TMEM233: variants seen among roughly 807,000 people sequenced by gnomAD.
TMEM233 encodes the protein transmembrane protein 233.
In TMEM233, 6 loss-of-function variants were observed where a neutral mutation model predicts 11.2. The observed-to-expected ratio is 0.54, with a 90% CI of 0.29 to 1.06. The LOEUF (loss-of-function observed/expected upper bound fraction) is 1.06. TMEM233 is among the 50% of genes least tolerant of loss of function. The pLI is 0.08. For missense variants in TMEM233, 127 were observed against 144.7 expected, an observed-to-expected ratio of 0.88 and a Z score of 0.63; for synonymous variants, 59 against 55.8, an observed-to-expected ratio of 1.06 and a Z score of -0.26.
intron 1 of TMEM233, among the ~76,000 whole-genome samples, chr12:119,615,949 G>A (rs910268714): frequency 2.0e-5 from 3 of 152,162 alleles, no homozygotes; most frequent in East Asian, 3.9e-4. Context: ...CCTTTTTGAG[G>A]TTCAGCATAG....
intron 1 of TMEM233, among the ~76,000 whole-genome samples, chr12:119,621,084 A>G (rs1048978288): frequency 7.2e-6 from 1 of 138,572 alleles, no homozygotes; most frequent in African/African-American, 2.8e-5. Flanking sequence ...GTCTTTCTCT[A>G]TCACTCAGGC....
intron 1 of TMEM233, among the ~76,000 whole-genome samples, chr12:119,627,958 C>G (rs1193303366): frequency 1.3e-5 from 2 of 151,144 alleles, no homozygotes; most frequent in African/African-American, 2.4e-5. Flanking sequence ...TACCCCTTAT[C>G]TAAAAATTTC....
At chr12:119,630,637 G>T (rs566458629) in intron 2 of TMEM233, among the ~76,000 whole-genome samples, 1 of 152,230 alleles carries the variant, frequency 6.6e-6, no homozygotes, top group Non-Finnish European at 1.5e-5. Flanking sequence ...AACATGAGGT[G>T]TCCTCAGGCA....
intron 1 of TMEM233, among the ~76,000 whole-genome samples, chr12:119,612,463 A>C (rs1395329166): frequency 6.6e-6 from 1 of 152,152 alleles, no homozygotes; most frequent in African/African-American, 2.4e-5. Context: ...AAATACAAAA[A>C]ATTGGCTGGG....
intron 1 of TMEM233, among the ~76,000 whole-genome samples, chr12:119,618,784 C>T (rs1423571567): frequency 3.3e-5 from 5 of 151,998 alleles, no homozygotes; most frequent in South Asian, 2.1e-4. Flanking sequence ...AGGTCATAGG[C>T]GGAAGGGATT....
intron 2 of TMEM233, among the ~76,000 whole-genome samples, chr12:119,639,216 C>T (rs896707527): frequency 6.6e-6 from 1 of 152,124 alleles, no homozygotes; most frequent in African/African-American, 2.4e-5. Flanking sequence ...CCTTACTACT[C>T]CCTGACAAAT....
intron 1 of TMEM233, among the ~76,000 whole-genome samples, chr12:119,600,728 C>T (rs538385849): frequency 6.6e-6 from 1 of 152,154 alleles, no homozygotes; most frequent in East Asian, 1.9e-4. Flanking sequence ...TATGAAATAC[C>T]TAGAGTGGTC....
In TMEM233 at chr12:119,642,254, C is replaced by T. The variant is rs1451814501; in HGVS notation, c.*1549C>T. On this transcript the variant is annotated 3_prime_UTR_variant, in exon 3 of 3. Coordinates refer to ENST00000426426, the MANE Select transcript of TMEM233 (RefSeq NM_001136534.3). ...TTAAGGTCAGGAGTTTGAGACCAGCCTGACCAACATGGTGAAACTCCATCT... is the reference window on the plus strand; with the variant it reads ...TTAAGGTCAGGAGTTTGAGACCAGCTTGACCAACATGGTGAAACTCCATCT... 1 of 152,214 alleles carries T rather than the reference C, an allele frequency of 6.6e-6. No individual in the cohort carries two copies. Among genetic ancestry groups the T allele is most frequent in the Admixed American group, 6.5e-5 (1 of 15,292 alleles). 9.4% of individuals were successfully genotyped at this position (152,214 alleles called of 1,614,324 possible). A position where few individuals can be genotyped will look rare whatever the true frequency, so the allele number is the denominator to read the frequency against.
downstream of TMEM233, among the ~76,000 whole-genome samples, chr12:119,645,218 A>T (rs1193610226): frequency 6.7e-6 from 1 of 150,110 alleles, no homozygotes; most frequent in Non-Finnish European, 1.5e-5. Flanking sequence ...GGCCTACAGC[A>T]GGACAGCTGC....
rs2301655 is a variant in TMEM233 at position 119,640,772 on chromosome 12, T to C, written c.*67T>C. 1,279,199 of 1,540,908 alleles carry C rather than the reference T, an allele frequency of 0.83. 534,234 individuals carry two copies. Among genetic ancestry groups the C allele is most frequent in the Middle Eastern group, 0.89 (5,288 of 5,972 alleles). On this transcript the variant is annotated 3_prime_UTR_variant, in exon 3 of 3. Coordinates refer to ENST00000426426, the MANE Select transcript of TMEM233 (RefSeq NM_001136534.3). ...TCATCCACACACACCCCAAAGGAGTTTCTAAGGAATGGATCCTTGACTTCA... is the reference window on the plus strand; with the variant it reads ...TCATCCACACACACCCCAAAGGAGTCTCTAAGGAATGGATCCTTGACTTCA...
the TMEM233 span, among the ~76,000 whole-genome samples, chr12:119,651,614 C>A: frequency 1.3e-5 from 2 of 149,960 alleles, no homozygotes; most frequent in East Asian, 3.9e-4. Flanking sequence ...GTTAGGCGGT[C>A]AAGACCATCC....
In TMEM233 at chr12:119,594,935, TG is replaced by T. The variant is rs1466210265; in HGVS notation, c.186+902del. ...GCTCCCAGGCGCCCCTCCACCGCTCTGTCCTGCGCCCGGGGCTCTCCCGGGA... is the reference window on the plus strand; with the variant it reads ...GCTCCCAGGCGCCCCTCCACCGCTCTTCCTGCGCCCGGGGCTCTCCCGGGA... On this transcript the variant is annotated intron_variant, in intron 1 of 2. Coordinates refer to ENST00000426426, the MANE Select transcript of TMEM233 (RefSeq NM_001136534.3). The surrounding 1 kb of genome is among the most constrained non-coding windows in gnomAD (Gnocchi z 5.6). Among the ~76,000 whole-genome samples the T allele has an allele frequency of 1.3e-5, 2 of 152,080 alleles. No homozygotes were observed. Among genetic ancestry groups the T allele is most frequent in the Non-Finnish European group, 2.9e-5 (2 of 68,008 alleles).
At chr12:119,613,230 A>G (rs945302156) in intron 1 of TMEM233, among the ~76,000 whole-genome samples, 17 of 140,756 alleles carry the variant, frequency 1.2e-4, no homozygotes, top group Non-Finnish European at 2.3e-4. Flanking sequence ...AAAAAAAAAA[A>G]GGGCTACAGG....
intron 1 of TMEM233, among the ~76,000 whole-genome samples, chr12:119,597,166 G>T (rs1359877366): frequency 6.6e-6 from 1 of 152,210 alleles, no homozygotes; most frequent in Non-Finnish European, 1.5e-5. Flanking sequence ...GACCAATTCT[G>T]CCAGGCGTTT....
intron 1 of TMEM233, among the ~76,000 whole-genome samples, chr12:119,626,521 A>G (rs114038004): frequency 0.034 from 1,949 of 57,916 alleles, 205 homozygotes; most frequent in African/African-American, 0.14. Context: ...GGAGGAGGAG[A>G]AGGGAGAAGG....
At chr12:119,596,057 C>T (rs1460537080) in intron 1 of TMEM233, among the ~76,000 whole-genome samples, 3 of 152,154 alleles carry the variant, frequency 2.0e-5, no homozygotes, top group African/African-American at 4.8e-5. Context: ...CCTGGAGGCC[C>T]GGAAGCCGTC....
intron 2 of TMEM233, chr12:119,631,459 A>C: frequency 3.1e-6 from 3 of 981,042 alleles, no homozygotes; most frequent in Non-Finnish European, 3.6e-6. Flanking sequence ...CAGAAGTGTC[A>C]CAAAAGAAAA....
At chr12:119,644,257 G>A (rs767336395), downstream of TMEM233, among the ~76,000 whole-genome samples, 1 of 152,154 alleles carries the variant, frequency 6.6e-6, no homozygotes, top group Non-Finnish European at 1.5e-5. Flanking sequence ...GGAACTGAAT[G>A]TGAGGTCAGC....
At chr12:119,599,569 G>A (rs1368352967) in intron 1 of TMEM233, among the ~76,000 whole-genome samples, 9 of 152,160 alleles carry the variant, frequency 5.9e-5, no homozygotes, top group Non-Finnish European at 4.4e-5. Flanking sequence ...CTAATTTTAC[G>A]TAGTAGATGA....
Sources: gnomAD v4.1 joint callset for allele counts (sites outside exome capture counted in the v4.1 genomes callset) on GRCh38, gnomAD v4.1.1 for gene constraint, Gnocchi (gnomAD v3.1) non-coding constraint, MANE v1.5 for transcripts, NCBI Gene and HGNC (gene_info 2026-07-23, HGNC 2026-07-21) for gene names.